The following GRM7 variants were observed in gnomAD, a reference collection of about 807,000 sequenced individuals.
GRM7 encodes glutamate metabotropic receptor 7, also known as metabotropic glutamate receptor 7.
In GRM7, 35 loss-of-function variants were observed where a neutral mutation model predicts 84.5. The observed-to-expected ratio is 0.41, with a 90% confidence interval of 0.32 to 0.55. The LOEUF is 0.55. Among genes scored for constraint, GRM7 ranks in the 20% least tolerant of loss-of-function variants. The probability of loss-of-function intolerance (pLI) is 0.19; values close to 1 mark genes in which losing one functional copy is unlikely to be tolerated. For missense variants in GRM7, 1,003 were observed against 1,194.6 expected, an observed-to-expected ratio of 0.84 and a Z score of 2.36; for synonymous variants, 487 against 455.1, an observed-to-expected ratio of 1.07 and a Z score of -0.89.
intron 2 of GRM7, among the ~76,000 whole-genome samples, chr3:7,150,650 G>C (rs1694257288): frequency 6.6e-6 from 1 of 152,114 alleles, no homozygotes; most frequent in Admixed American, 6.6e-5. Context: ...CTGTTTATTT[G>C]AATGAATGCA....
intron 5 of GRM7, among the ~76,000 whole-genome samples, chr3:7,434,318 C>A (rs907811042): frequency 1.3e-5 from 2 of 152,118 alleles, no homozygotes; most frequent in African/African-American, 4.8e-5. Context: ...TGAGGACTTC[C>A]TAATACAATA....
intron 2 of GRM7, among the ~76,000 whole-genome samples, chr3:7,281,754 G>A (rs1699256828): frequency 6.6e-6 from 1 of 152,160 alleles, no homozygotes; most frequent in Admixed American, 6.5e-5. Context: ...GTAAATTTCA[G>A]GTCCCACCCC....
chr3:7,692,583 T>C (rs957796430), intron 9 of GRM7, among the ~76,000 whole-genome samples: 2 of 152,178 alleles, frequency 1.3e-5, no homozygotes, highest in African/African-American at 4.8e-5. Flanking sequence ...AATTTAATAA[T>C]AATATTAGAA....
At chr3:7,523,904 A>G (rs1700692687) in intron 7 of GRM7, among the ~76,000 whole-genome samples, 1 of 152,116 alleles carries the variant, frequency 6.6e-6, no homozygotes, top group African/African-American at 2.4e-5. Flanking sequence ...GAGGGTAAGT[A>G]TGGGTAGTCT....
At chr3:6,959,572 G>A (rs899073457) in intron 1 of GRM7, among the ~76,000 whole-genome samples, 2 of 152,112 alleles carry the variant, frequency 1.3e-5, no homozygotes, top group Admixed American at 6.5e-5. Flanking sequence ...AGTGGCAAGA[G>A]TTTAATGCTA....
intron 1 of GRM7, among the ~76,000 whole-genome samples, chr3:7,008,171 C>T (rs1260609186): frequency 6.6e-6 from 1 of 151,966 alleles, no homozygotes; most frequent in Non-Finnish European, 1.5e-5. Flanking sequence ...AACAGGGTCA[C>T]CTAAAATGGA....
At chr3:7,449,687 T>C (rs919692236) in intron 5 of GRM7, among the ~76,000 whole-genome samples, 8 of 152,196 alleles carry the variant, frequency 5.3e-5, no homozygotes, top group African/African-American at 1.7e-4. Context: ...ATTTGACATA[T>C]AGTAAAGGCA....
chr3:7,410,580 A>T (rs1331984023), intron 4 of GRM7, among the ~76,000 whole-genome samples: 1 of 117,818 alleles, frequency 8.5e-6, no homozygotes, highest in Non-Finnish European at 1.7e-5. Context: ...TCAAAAAAAC[A>T]AAATATATAT....
intron 2 of GRM7, among the ~76,000 whole-genome samples, chr3:7,237,932 G>A (rs1012062023): frequency 6.6e-6 from 1 of 152,132 alleles, no homozygotes; most frequent in Admixed American, 6.5e-5. Flanking sequence ...ACTGATTGGT[G>A]CGTTTACAGA....
At chr3:7,326,444 G>T (rs1262268430) in intron 4 of GRM7, among the ~76,000 whole-genome samples, 1 of 152,054 alleles carries the variant, frequency 6.6e-6, no homozygotes, top group Non-Finnish European at 1.5e-5. Context: ...AGTGTTCTCA[G>T]GTGGTATTTG....
intron 7 of GRM7, among the ~76,000 whole-genome samples, chr3:7,567,267 A>G (rs1202304398): frequency 2.0e-5 from 3 of 152,208 alleles, no homozygotes; most frequent in South Asian, 2.1e-4. Flanking sequence ...CCATTAAATC[A>G]TAATAGAGTA....
chr3:7,127,280 A>G (rs2125049570), intron 1 of GRM7, among the ~76,000 whole-genome samples: 1 of 152,270 alleles, frequency 6.6e-6, no homozygotes, highest in Non-Finnish European at 1.5e-5. Flanking sequence ...CTTCTCTTTG[A>G]TTTCTAACAT....
chr3:7,193,554 G>T (rs969461737), intron 2 of GRM7, among the ~76,000 whole-genome samples: 1 of 151,640 alleles, frequency 6.6e-6, no homozygotes, highest in Non-Finnish European at 1.5e-5. Flanking sequence ...AGAATTAATG[G>T]GATAATAAAT....
chr3:6,940,925 C>G (rs1353088374), intron 1 of GRM7, among the ~76,000 whole-genome samples: 2 of 152,212 alleles, frequency 1.3e-5, no homozygotes, highest in Admixed American at 6.5e-5. Context: ...CTGCAGCTGG[C>G]TGCTGCAGAA....
chr3:7,206,824 G>A (rs943205635), intron 2 of GRM7, among the ~76,000 whole-genome samples: 11 of 152,270 alleles, frequency 7.2e-5, no homozygotes, highest in African/African-American at 2.2e-4. Flanking sequence ...CTTATTATTC[G>A]ACGGGTTCTA....
At chr3:6,872,418 A>G (rs751996268) in intron 1 of GRM7, among the ~76,000 whole-genome samples, 123 of 151,602 alleles carry the variant, frequency 8.1e-4, no homozygotes, top group Non-Finnish European at 1.2e-3. Flanking sequence ...TCTTTCATGG[A>G]TTATTTCAGT....
intron 1 of GRM7, among the ~76,000 whole-genome samples, chr3:7,034,330 G>A (rs1231808184): frequency 6.6e-6 from 1 of 152,066 alleles, no homozygotes; most frequent in Non-Finnish European, 1.5e-5. Context: ...GCTACCCCAG[G>A]TGATTCTGAT....
intron 1 of GRM7, among the ~76,000 whole-genome samples, chr3:6,897,793 C>T (rs946341182): frequency 6.6e-6 from 1 of 152,180 alleles, no homozygotes; most frequent in African/African-American, 2.4e-5. Context: ...GCAATTTGAG[C>T]AGGATGTAGG....
intron 5 of GRM7, among the ~76,000 whole-genome samples, chr3:7,447,705 C>A (rs1697576506): frequency 6.6e-6 from 1 of 150,698 alleles, no homozygotes; most frequent in Admixed American, 6.7e-5. Flanking sequence ...AATAAACTTT[C>A]TCAGAAGTTC....
Sources: allele counts gnomAD v4.1 joint callset (sites outside exome capture counted in the v4.1 genomes callset), GRCh38; gene constraint gnomAD v4.1.1; transcripts MANE v1.5; gene names NCBI Gene and HGNC (gene_info 2026-07-23, HGNC 2026-07-21).